Variants in PCLO observed in about 807,000 individuals in gnomAD.
PCLO encodes protein piccolo.
A neutral mutation model predicts 427.5 loss-of-function variants in PCLO; 82 were observed. The observed-to-expected ratio is 0.19, with a 90% CI of 0.16 to 0.23. The LOEUF is 0.23. PCLO is among the 10% of genes least tolerant of loss of function. PCLO has a pLI of 1.00. For synonymous variants in PCLO, 2,357 were observed against 2,155.4 expected (o/e 1.09, Z -2.59); for missense variants, 6,239 against 6,115.9 (o/e 1.02, Z -0.67).
intron 22 of PCLO, among the ~76,000 whole-genome samples, chr7:82,768,330 C>A (rs936819868): frequency 1.3e-5 from 2 of 150,848 alleles, no homozygotes; most frequent in Non-Finnish European, 2.9e-5. Flanking sequence ...GACTGAGGCA[C>A]GAGAATTGCC....
chr7:83,007,186 T>C (rs991471536), intron 3 of PCLO, among the ~76,000 whole-genome samples: 2 of 151,368 alleles, frequency 1.3e-5, no homozygotes, highest in African/African-American at 4.8e-5. Flanking sequence ...TTAAAAATTC[T>C]CCAACAGAAA....
chr7:82,908,800 G>T, intron 8 of PCLO, 77 bp downstream of exon 8: 1 of 1,241,470 alleles, frequency 8.1e-7, no homozygotes, highest in Non-Finnish European at 1.1e-6. Flanking sequence ...TTCCTTTTAG[G>T]ACAATTAAGA....
intron 20 of PCLO, among the ~76,000 whole-genome samples, chr7:82,808,503 A>G (rs1327400089): frequency 6.6e-6 from 1 of 151,946 alleles, no homozygotes; most frequent in Non-Finnish European, 1.5e-5. Flanking sequence ...ATTTAAGAAA[A>G]GACAGGTTTT....
chr7:82,775,633 C>G (rs1453297282), intron 22 of PCLO, among the ~76,000 whole-genome samples: 1 of 152,088 alleles, frequency 6.6e-6, no homozygotes, highest in Non-Finnish European at 1.5e-5. Context: ...CTTTATAAGT[C>G]TTTTGTAAAT....
chr7:83,154,690 T>C (rs1792221322), intron 2 of PCLO, 58 bp downstream of exon 2: 3 of 1,227,718 alleles, frequency 2.4e-6, no homozygotes, highest in African/African-American at 3.0e-5. Context: ...TTAAGCATCA[T>C]TTGTATAAGA....
chr7:82,954,251 G>A lies in PCLO; in HGVS notation c.6702C>T (p.Gly2234=). 3 of 1,613,660 alleles carry A rather than the reference G, an allele frequency of 1.9e-6. No individual in the cohort carries two copies. Among genetic ancestry groups the A allele is most frequent in the Non-Finnish European group, 2.5e-6 (3 of 1,179,712 alleles). ...TTTCTTCTGGATAGTCTATAATGCT[G>A]CCTGGAAAATAAGTTGATGAAGAAA... ...EEISSSTYFP[G]SIIDYPEEIS... Residue 2234 remains glycine, a synonymous_variant, in exon 5 of 25, where the codon GGC becomes GGT. Coordinates refer to ENST00000333891, the MANE Select transcript of PCLO (RefSeq NM_033026.6).
intron 3 of PCLO, among the ~76,000 whole-genome samples, chr7:83,123,040 T>A (rs1791329004): frequency 6.6e-6 from 1 of 152,104 alleles, no homozygotes; most frequent in African/African-American, 2.4e-5. Flanking sequence ...TTAATATTGT[T>A]AAAATGTCCA....
intron 3 of PCLO, among the ~76,000 whole-genome samples, chr7:83,054,775 T>C (rs1030276539): frequency 2.0e-5 from 3 of 152,130 alleles, no homozygotes; most frequent in African/African-American, 4.8e-5. Flanking sequence ...GGCAGAAGCA[T>C]TGCCAATGAG....
At chr7:82,960,374 A>T (rs970099782) in intron 4 of PCLO, among the ~76,000 whole-genome samples, 6 of 152,276 alleles carry the variant, frequency 3.9e-5, no homozygotes, top group Middle Eastern at 3.4e-3. Context: ...TACAGAAAAC[A>T]TTATTATTTT....
chr7:82,954,845 G>A lies in PCLO; in HGVS notation c.6108C>T (p.Ile2036=). The A allele has an allele frequency of 1.2e-6, 2 of 1,613,858 alleles. No homozygotes were observed. The highest frequency in any genetic ancestry group is 1.7e-6 in the Non-Finnish European group (2 of 1,179,850). ...GGTCCACTATCTCATGGCTTTCTGG[G>A]ATGATAAAAGAGCTTGAAACAATAT... ...QEDIVSSSFI[I]PESHEIVDLG... is the part of the protein sequence containing the mutation. Residue 2036 remains isoleucine, a synonymous_variant, in exon 5 of 25, where the codon ATC becomes ATT. Transcript: ENST00000333891.
In PCLO at chr7:82,955,153, C is replaced by A; in HGVS notation, c.5800G>T (p.Ala1934Ser). Residue 1934 changes from alanine to serine, a missense_variant, in exon 5 of 25, where the codon GCA becomes TCA. This residue lies in a region of PCLO where 4,677 missense variants were observed against 4,468.4 expected (regional missense o/e 1.05). Coordinates refer to ENST00000333891, the MANE Select transcript of PCLO (RefSeq NM_033026.6). ...KTHKYKAFPA[A>S]NERDEVFEKE... ...TCAAACACTTCATCTCGTTCATTTG[C>A]AGCTGGAAAAGCTTTGTATTTGTGT... is the stretch of plus-strand genomic sequence containing the variant. The A allele has an allele frequency of 6.2e-7, 1 of 1,613,816 alleles. No homozygotes were observed. The highest frequency in any genetic ancestry group is 8.5e-7 in the Non-Finnish European group (1 of 1,179,856).
rs553324418 is a variant in PCLO, at chr7:82,796,724, C to T, written c.15007+4794G>A. 4.7e-5 allele frequency among the ~76,000 whole-genome samples: 7 copies of T among 149,860 alleles called. No homozygotes were observed. In the East Asian group the frequency reaches 1.4e-3, roughly 29 times the overall value. On this transcript the variant is annotated intron_variant, in intron 22 of 24. Coordinates refer to ENST00000333891, the MANE Select transcript of PCLO (RefSeq NM_033026.6). ...GTTAAAATATACAATAGGTGTGGTA[C>T]AGTCACCAACCAATCTGAATGGATC... is the stretch of plus-strand genomic sequence containing the variant.
At chr7:83,059,235 C>T (rs1164656282) in intron 3 of PCLO, among the ~76,000 whole-genome samples, 4 of 147,680 alleles carry the variant, frequency 2.7e-5, no homozygotes, top group African/African-American at 7.4e-5. Context: ...TACGGTGCAC[C>T]GAGGGTCAAT....
intron 2 of PCLO, among the ~76,000 whole-genome samples, chr7:83,145,256 G>C (rs1266759560): frequency 2.0e-5 from 3 of 152,130 alleles, no homozygotes; most frequent in African/African-American, 7.2e-5. Flanking sequence ...GAACAAAGAA[G>C]TATGAATCAA....
intron 16 of PCLO, among the ~76,000 whole-genome samples, chr7:82,831,086 T>A (rs1251428917): frequency 1.3e-5 from 2 of 152,104 alleles, no homozygotes; most frequent in African/African-American, 2.4e-5. Context: ...AAATGCCTCC[T>A]TTTTCCTCTG....
chr7:82,991,830 C>G (rs1193450489), intron 3 of PCLO, among the ~76,000 whole-genome samples: 1 of 152,116 alleles, frequency 6.6e-6, no homozygotes, highest in Admixed American at 6.6e-5. Context: ...AGTACCAACA[C>G]CTGCTTAAAT....
intron 20 of PCLO, among the ~76,000 whole-genome samples, chr7:82,816,136 G>A (rs916341401): frequency 9.2e-5 from 14 of 151,954 alleles, no homozygotes; most frequent in African/African-American, 4.8e-5. Context: ...CCATACCCAC[G>A]TTTCTTCCCC....
At chr7:83,129,836 C>T (rs570786407) in intron 3 of PCLO, among the ~76,000 whole-genome samples, 49 of 152,086 alleles carry the variant, frequency 3.2e-4, no homozygotes, top group African/African-American at 1.0e-3. Flanking sequence ...ACATTAACTA[C>T]GTAAAAATGC....
chr7:82,833,293 A>T (rs552619530), intron 16 of PCLO, among the ~76,000 whole-genome samples: 28 of 152,208 alleles, frequency 1.8e-4, no homozygotes, highest in Non-Finnish European at 3.8e-4. Flanking sequence ...TTCATAACAA[A>T]ATCTCAGTAA....
Sources: gnomAD v4.1 joint callset for allele counts (sites outside exome capture counted in the v4.1 genomes callset) on GRCh38, gnomAD v4.1.1 for gene constraint, gnomAD v4.1.1 regional missense constraint, MANE v1.5 for transcripts, NCBI Gene and HGNC (gene_info 2026-07-23, HGNC 2026-07-21) for gene names.